The following TMEM143 variants were observed in gnomAD, a reference collection of about 807,000 sequenced individuals.
TMEM143 encodes the protein transmembrane protein 143.
In TMEM143, 45 loss-of-function variants were observed where a neutral mutation model predicts 40.3. That is an observed-to-expected ratio of 1.12 (90% CI 0.88 to 1.43). TMEM143 has a LOEUF of 1.43. Ranked by LOEUF, TMEM143 falls within the 40% of genes most tolerant of loss-of-function variation. TMEM143 has a pLI of 0.00. For missense variants in TMEM143, 620 were observed against 613.4 expected, an observed-to-expected ratio of 1.01 and a Z score of -0.11; for synonymous variants, 299 against 282.7, an observed-to-expected ratio of 1.06 and a Z score of -0.58.
Position 48,349,607 on chromosome 19 carries a change from C to G in TMEM143, c.370-4253G>C, listed in dbSNP as rs570853963. On this transcript the variant is annotated intron_variant, in intron 3 of 7. Coordinates refer to ENST00000293261, the MANE Select transcript of TMEM143 (RefSeq NM_018273.4). ...TTGCAGTAAGCTGAGATCGCACCAA[C>G]TGCACTCCAGCCTGGACAACAGAGT... is the stretch of plus-strand genomic sequence containing the variant. Among the ~76,000 whole-genome samples the G allele has an allele frequency of 4.0e-5, 6 of 151,518 alleles. No individual in the cohort carries two copies. The South Asian group carries it at 6.3e-4, about 16-fold the overall frequency.
At chr19:48,337,463 C>G (rs895097848) in intron 6 of TMEM143, among the ~76,000 whole-genome samples, 1 of 151,962 alleles carries the variant, frequency 6.6e-6, no homozygotes, top group African/African-American at 2.4e-5. Flanking sequence ...AGGAGAATGG[C>G]TTGAACCCAG....
intron 3 of TMEM143, among the ~76,000 whole-genome samples, chr19:48,348,025 CAAAA>C (rs556686693): frequency 2.9e-5 from 3 of 103,292 alleles, no homozygotes; most frequent in East Asian, 3.0e-4. Flanking sequence ...GACCCTGTCT[CAAAA>C]AAAAAAAAAA....
intron 3 of TMEM143, among the ~76,000 whole-genome samples, chr19:48,351,059 G>A (rs1969759752): frequency 6.6e-6 from 1 of 151,624 alleles, no homozygotes; most frequent in South Asian, 2.1e-4. Context: ...ATTTCCATCT[G>A]CAGTCCAGAT....
At chr19:48,345,494 C>G (rs1046442869) in intron 3 of TMEM143, 140 bp from the exon 4 acceptor site, 2 of 487,476 alleles carry the variant, frequency 4.1e-6, no homozygotes, top group East Asian at 6.2e-5. Context: ...GAGTCTCGCT[C>G]TGTTGCCAGG....
chr19:48,345,238 G>A lies in TMEM143; in HGVS notation c.486C>T (p.Ala162=). Residue 162 remains alanine, a synonymous_variant, in exon 4 of 8, where the codon GCC becomes GCT. Coordinates refer to ENST00000293261, the MANE Select transcript of TMEM143 (RefSeq NM_018273.4). The part of the protein sequence containing the change: ...EVLRALEPLL[A]QANFSPLSED... ...CAGACAGCGGGGAGAAGTTGGCCTGGGCCAGCAGGGGCTCCAGAGCCCGAA... is the reference window on the plus strand; with the variant it reads ...CAGACAGCGGGGAGAAGTTGGCCTGAGCCAGCAGGGGCTCCAGAGCCCGAA... The A allele has an allele frequency of 6.2e-7, 1 of 1,613,286 alleles. No homozygotes were observed.
At position 48,333,215 on chromosome 19, in the gene TMEM143, C is replaced by T. The variant is rs747313149; in HGVS notation, c.*4G>A. The T allele has an allele frequency of 5.5e-6, 8 of 1,458,938 alleles. No homozygotes were observed. The highest frequency in any genetic ancestry group is 4.5e-5 in the Admixed American group (2 of 44,574). 90.4% of individuals were successfully genotyped at this position (1,458,938 alleles called of 1,614,324 possible). Reference sequence around the variant, plus strand: ...TGCTGACTGGGCAGGGAGGTAGGTTCTACTCAGGAGATGTTACTGCTGGGC... The same window carrying T: ...TGCTGACTGGGCAGGGAGGTAGGTTTTACTCAGGAGATGTTACTGCTGGGC... On this transcript the variant is annotated 3_prime_UTR_variant, in exon 8 of 8. Coordinates refer to ENST00000293261, the MANE Select transcript of TMEM143 (RefSeq NM_018273.4). This position sits in a 1 kb window ranked among gnomAD's most constrained non-coding sequence, Gnocchi z 4.1.
chr19:48,352,640 T>G (rs960081972), intron 3 of TMEM143, among the ~76,000 whole-genome samples: 1 of 151,650 alleles, frequency 6.6e-6, no homozygotes, highest in Non-Finnish European at 1.5e-5. Flanking sequence ...CCAGGCATGG[T>G]GGTGCACACC....
At chr19:48,363,844 A>AG in intron 1 of TMEM143, 54 bp downstream of exon 1, 1 of 1,612,638 alleles carries the variant, frequency 6.2e-7, no homozygotes, top group Non-Finnish European at 8.5e-7. Flanking sequence ...AAGGTTACCT[A>AG]GGGGGTGCAG....
At chr19:48,340,524 T>C (rs1022475984) in intron 6 of TMEM143, among the ~76,000 whole-genome samples, 4 of 151,046 alleles carry the variant, frequency 2.6e-5, no homozygotes, top group African/African-American at 9.7e-5. Context: ...CTTGGCCTCC[T>C]GAGTAGCTAG....
intron 3 of TMEM143, among the ~76,000 whole-genome samples, chr19:48,356,679 C>A (rs1010698477): frequency 6.1e-5 from 9 of 148,734 alleles, no homozygotes; most frequent in Admixed American, 5.5e-4. Flanking sequence ...CTCACTGCAA[C>A]CTCCTCCTCC....
At chr19:48,361,981 C>T (rs1405228967) in intron 2 of TMEM143, among the ~76,000 whole-genome samples, 1 of 151,626 alleles carries the variant, frequency 6.6e-6, no homozygotes, top group Non-Finnish European at 1.5e-5. Context: ...CCTATATACA[C>T]ATGTGTTTAC....
intron 3 of TMEM143, 30 bp downstream of exon 3, chr19:48,360,042 A>C (rs1341790260): frequency 6.2e-7 from 1 of 1,600,580 alleles, no homozygotes; most frequent in Non-Finnish European, 8.5e-7. Flanking sequence ...TCGAACAAGC[A>C]CCACAGGGCT....
At chr19:48,351,091 C>T (rs1177890759) in intron 3 of TMEM143, among the ~76,000 whole-genome samples, 1 of 152,050 alleles carries the variant, frequency 6.6e-6, no homozygotes, top group Non-Finnish European at 1.5e-5. Context: ...GCTCCAGATT[C>T]ACACGGCTGG....
chr19:48,345,760 C>A (rs8106307), intron 3 of TMEM143, among the ~76,000 whole-genome samples: 1 of 151,298 alleles, frequency 6.6e-6, no homozygotes, highest in South Asian at 2.1e-4. Context: ...CATAAGCCAC[C>A]GTGCCCGGCC....
chr19:48,333,329 G>T lies in TMEM143; in HGVS notation c.1270C>A (p.Leu424Met), dbSNP rs748728319. The change falls in exon 8 of 8, where the codon CTG becomes ATG. Residue 424 changes from leucine (L) to methionine (M), a missense_variant. By Grantham distance (15) the Leu-to-Met change is conservative (BLOSUM62 2). Coordinates refer to ENST00000293261, the MANE Select transcript of TMEM143 (RefSeq NM_018273.4). This position sits in a 1 kb window ranked among gnomAD's most constrained non-coding sequence, Gnocchi z 4.1. ...GTRALAHLQA[L>M]TPSMGLYPPP... is the part of the protein sequence containing the mutation. ...GGGTACAATCCCATGCTGGGGGTCAGGGCCTGCAGATGCGCCAGGGCCCGA... is the reference window on the plus strand; with the variant it reads ...GGGTACAATCCCATGCTGGGGGTCATGGCCTGCAGATGCGCCAGGGCCCGA... 6.2e-6 allele frequency: 10 copies of T among 1,609,494 alleles called. No homozygotes were observed. The highest frequency in any genetic ancestry group is 1.6e-4 in the Middle Eastern group (1 of 6,068).
intron 2 of TMEM143, among the ~76,000 whole-genome samples, chr19:48,361,597 C>G (rs1036536711): frequency 6.8e-6 from 1 of 147,470 alleles, no homozygotes; most frequent in Non-Finnish European, 1.5e-5. Context: ...GTGGCACGAT[C>G]TCGGCTCACT....
At chr19:48,346,411 TATCCA>T (rs1241931254) in intron 3 of TMEM143, among the ~76,000 whole-genome samples, 1 of 152,038 alleles carries the variant, frequency 6.6e-6, no homozygotes, top group African/African-American at 2.4e-5. Flanking sequence ...ATCACACCCA[TATCCA>T]ATCCTCTGGC....
In TMEM143 at chr19:48,345,166, C is replaced by T; in HGVS notation, c.558G>A (p.Glu186=). Residue 186 remains glutamate (E), a synonymous_variant, in exon 4 of 8, where the codon GAG becomes GAA. Transcript: ENST00000293261. ...CTCCTAGGGAGCCAAGTACCTGGAC[C>T]TCATCCTGAGGGTGGTGGACCACCA... The part of the protein sequence containing the change: ...YALVVHHPQD[E]VQVTVNLDQY... 1 of 1,613,176 alleles carries T rather than the reference C, an allele frequency of 6.2e-7. No homozygotes were observed. The highest frequency in any genetic ancestry group is 8.5e-7 in the Non-Finnish European group (1 of 1,179,532).
At chr19:48,354,599 C>T (rs1969846000) in intron 3 of TMEM143, among the ~76,000 whole-genome samples, 4 of 152,130 alleles carry the variant, frequency 2.6e-5, no homozygotes, top group Non-Finnish European at 5.9e-5. Context: ...CTGGTCTCTT[C>T]CTCAGTAGAA....
Sources: gnomAD v4.1 joint callset for allele counts (sites outside exome capture counted in the v4.1 genomes callset) on GRCh38, gnomAD v4.1.1 for gene constraint, Gnocchi (gnomAD v3.1) non-coding constraint, MANE v1.5 for transcripts, NCBI Gene and HGNC (gene_info 2026-07-23, HGNC 2026-07-21) for gene names.